The following ZFHX3 variants were observed in gnomAD, a reference collection of about 807,000 sequenced individuals.
ZFHX3 encodes zinc finger homeobox 3.
ZFHX3 carries 42 observed loss-of-function variants against 279.1 expected under a neutral mutation model. The observed-to-expected ratio is 0.15, with a 90% confidence interval of 0.12 to 0.19. The LOEUF (loss-of-function observed/expected upper bound fraction) is 0.19. Ranked by LOEUF, ZFHX3 falls within the 10% of genes least tolerant of loss-of-function variation. The probability of loss-of-function intolerance (pLI) is 1.00; values close to 1 mark genes in which losing one functional copy is unlikely to be tolerated. For missense variants in ZFHX3, 4,981 were observed against 4,754.0 expected (o/e 1.05, Z -1.40); for synonymous variants, 2,293 against 1,957.8 (o/e 1.17, Z -4.52).
chr16:73,696,040 C>T (rs181837171), intron 1 of ZFHX3, among the ~76,000 whole-genome samples: 2 of 152,310 alleles, frequency 1.3e-5, no homozygotes, highest in East Asian at 3.9e-4. Context: ...AATTGCAGCT[C>T]AAACCCACTG....
intron 4 of ZFHX3, among the ~76,000 whole-genome samples, chr16:73,294,825 C>T (rs1292237466): frequency 6.9e-6 from 1 of 144,224 alleles, no homozygotes; most frequent in Non-Finnish European, 1.5e-5. Flanking sequence ...AAAAAAAAAA[C>T]CAAAAAACAA....
At chr16:73,084,995 A>T (rs181105148) in intron 8 of ZFHX3, among the ~76,000 whole-genome samples, 231 of 152,266 alleles carry the variant, frequency 1.5e-3, no homozygotes, top group Non-Finnish European at 2.5e-3. Flanking sequence ...TACAGACTCA[A>T]TGCAACCCTT....
At chr16:73,677,120 T>G (rs1328294009) in intron 2 of ZFHX3, among the ~76,000 whole-genome samples, 1 of 152,118 alleles carries the variant, frequency 6.6e-6, no homozygotes, top group African/African-American at 2.4e-5. Context: ...CCATGGATTC[T>G]TTTCCAAAGA....
At chr16:73,583,284 A>C (rs2051880568) in intron 2 of ZFHX3, among the ~76,000 whole-genome samples, 1 of 152,196 alleles carries the variant, frequency 6.6e-6, no homozygotes, top group African/African-American at 2.4e-5. Context: ...AGAAAATCTA[A>C]ATAAAAGTTT....
At chr16:73,029,168 T>C (rs982341195) in intron 1 of ZFHX3, among the ~76,000 whole-genome samples, 3 of 152,186 alleles carry the variant, frequency 2.0e-5, no homozygotes, top group African/African-American at 7.2e-5. Flanking sequence ...AAGTCTCTGC[T>C]AGGAACAGGA....
chr16:73,644,115 T>C (rs985083078), intron 2 of ZFHX3, among the ~76,000 whole-genome samples: 1 of 152,118 alleles, frequency 6.6e-6, no homozygotes, highest in East Asian at 1.9e-4. Context: ...TTTTTCTGCT[T>C]GGTCTTTGAC....
At chr16:73,882,434 T>C (rs970316540) in intron 1 of ZFHX3, among the ~76,000 whole-genome samples, 2 of 152,134 alleles carry the variant, frequency 1.3e-5, no homozygotes, top group African/African-American at 2.4e-5. Context: ...AGTGAACTTA[T>C]ATTTAAGAAG....
intron 4 of ZFHX3, among the ~76,000 whole-genome samples, chr16:73,307,729 C>G (rs1194152089): frequency 1.3e-5 from 2 of 152,138 alleles, no homozygotes; most frequent in Non-Finnish European, 2.9e-5. Flanking sequence ...TGTTAAAATT[C>G]ACAGTTGAAA....
intron 8 of ZFHX3, among the ~76,000 whole-genome samples, chr16:73,077,130 T>C (rs1273581700): frequency 6.6e-6 from 1 of 152,174 alleles, no homozygotes; most frequent in Non-Finnish European, 1.5e-5. Flanking sequence ...AGACGTCTAA[T>C]GCCAATCCCC....
At chr16:73,747,955 G>A (rs2053719453) in intron 1 of ZFHX3, among the ~76,000 whole-genome samples, 1 of 152,144 alleles carries the variant, frequency 6.6e-6, no homozygotes, top group South Asian at 2.1e-4. Context: ...TGTCAATTTT[G>A]TTATCATAAA....
At chr16:73,328,130 G>A (rs954932810) in intron 3 of ZFHX3, among the ~76,000 whole-genome samples, 4 of 151,884 alleles carry the variant, frequency 2.6e-5, no homozygotes, top group African/African-American at 9.7e-5. Context: ...AAACAATGAG[G>A]TCTTAAATTG....
At chr16:73,598,440 C>G (rs1277287497) in intron 2 of ZFHX3, among the ~76,000 whole-genome samples, 1 of 147,088 alleles carries the variant, frequency 6.8e-6, no homozygotes, top group Non-Finnish European at 1.5e-5. Context: ...TTTTTTTTGA[C>G]AGGATCTTAC....
At chr16:73,594,860 G>A (rs536017676) in intron 2 of ZFHX3, among the ~76,000 whole-genome samples, 67 of 152,102 alleles carry the variant, frequency 4.4e-4, no homozygotes, top group African/African-American at 1.6e-3. Flanking sequence ...TTTTCTTATC[G>A]CCTTTTGTTG....
At chr16:73,162,119 C>T (rs2087090006) in intron 5 of ZFHX3, among the ~76,000 whole-genome samples, 1 of 152,166 alleles carries the variant, frequency 6.6e-6, no homozygotes, top group Non-Finnish European at 1.5e-5. Flanking sequence ...AGACCAGTAT[C>T]AATTCATGGC....
intron 4 of ZFHX3, among the ~76,000 whole-genome samples, chr16:72,872,467 G>A (rs140646323): frequency 6.6e-6 from 1 of 152,090 alleles, no homozygotes; most frequent in Non-Finnish European, 1.5e-5. Flanking sequence ...TTTGTGTTTT[G>A]CTTTTTTTGA....
chr16:73,035,483 G>T (rs1416089120), intron 1 of ZFHX3, among the ~76,000 whole-genome samples: 1 of 152,152 alleles, frequency 6.6e-6, no homozygotes, highest in Non-Finnish European at 1.5e-5. Context: ...GCTCCCAAAT[G>T]ATACTTTTAA....
chr16:73,644,933 G>A (rs1025725548), intron 2 of ZFHX3, among the ~76,000 whole-genome samples: 2 of 152,278 alleles, frequency 1.3e-5, no homozygotes, highest in South Asian at 2.1e-4. Context: ...AGGCTGACAC[G>A]AAGATTCTCA....
chr16:73,025,708 G>A (rs1964474265), intron 1 of ZFHX3, among the ~76,000 whole-genome samples: 1 of 152,052 alleles, frequency 6.6e-6, no homozygotes, highest in Non-Finnish European at 1.5e-5. Flanking sequence ...GTATTGTCAG[G>A]GCCCAACCGA....
rs117637171 is a variant in ZFHX3, at chr16:73,406,252, C to T, written c.-1291+49751G>A. On this transcript the variant is annotated intron_variant, in intron 3 of 17. Transcript: ENST00000641206. ...TTTGTAAAGCATTTCTGGTTGTGGACGTAGAACTTATTGACCATGTGGGTT... is the reference window on the plus strand; with the variant it reads ...TTTGTAAAGCATTTCTGGTTGTGGATGTAGAACTTATTGACCATGTGGGTT... 2.3e-3 allele frequency among the ~76,000 whole-genome samples: 344 copies of T among 152,278 alleles called. 8 individuals are homozygous for T. The East Asian group carries it at 0.045, about 20-fold the overall frequency.
Sources: gnomAD v4.1 joint callset for allele counts (sites outside exome capture counted in the v4.1 genomes callset) on GRCh38, gnomAD v4.1.1 for gene constraint, MANE v1.5 for transcripts, NCBI Gene and HGNC (gene_info 2026-07-23, HGNC 2026-07-21) for gene names.